Variants in FAM177A1 observed in about 807,000 individuals in gnomAD.
The protein encoded by FAM177A1 is family with sequence similarity 177 member A1, also known as protein FAM177A1.
FAM177A1 carries 22 observed loss-of-function variants against 26.1 expected under a neutral mutation model. The ratio of observed to expected loss-of-function variants is 0.84; its 90% CI spans 0.60 to 1.20. The LOEUF is 1.20. Ranked by LOEUF, FAM177A1 falls within the 50% of genes most tolerant of loss-of-function variation. The pLI is 0.00. For synonymous variants in FAM177A1, 95 were observed against 99.3 expected, an observed-to-expected ratio of 0.96 and a Z score of 0.26; for missense variants, 296 against 291.1, an observed-to-expected ratio of 1.02 and a Z score of -0.12.
At chr14:35,067,058 C>G (rs1174388458) in intron 2 of FAM177A1, among the ~76,000 whole-genome samples, 1 of 152,196 alleles carries the variant, frequency 6.6e-6, no homozygotes, top group Non-Finnish European at 1.5e-5. Context: ...TCCCGAAGTT[C>G]TGGGATTACA....
intron 4 of FAM177A1, among the ~76,000 whole-genome samples, chr14:35,080,639 A>G (rs2045466170): frequency 6.6e-6 from 1 of 152,074 alleles, no homozygotes. Flanking sequence ...TGTCTTTACT[A>G]AAAATACAAA....
chr14:35,065,001 T>C (rs893742355), intron 2 of FAM177A1, among the ~76,000 whole-genome samples: 1 of 152,108 alleles, frequency 6.6e-6, no homozygotes, highest in African/African-American at 2.4e-5. Context: ...GCTGCCTGAA[T>C]TGCAAATGAC....
At chr14:35,062,378 C>T (rs1016024798) in intron 2 of FAM177A1, among the ~76,000 whole-genome samples, 1 of 152,074 alleles carries the variant, frequency 6.6e-6, no homozygotes, top group African/African-American at 2.4e-5. Flanking sequence ...TGGAATTTCC[C>T]TGAGTTGTGA....
intron 2 of FAM177A1, among the ~76,000 whole-genome samples, chr14:35,072,670 C>T (rs2045340374): frequency 6.6e-6 from 1 of 152,260 alleles, no homozygotes; most frequent in Middle Eastern, 3.4e-3. Flanking sequence ...AGCCCTTCTG[C>T]CAGATTGTCT....
intron 3 of FAM177A1, 100 bp downstream of exon 3, chr14:35,077,316 A>C: frequency 1.8e-6 from 2 of 1,085,220 alleles, no homozygotes; most frequent in Non-Finnish European, 2.8e-6. Flanking sequence ...GAGAAACAAT[A>C]GGGAGTTAAT....
intron 2 of FAM177A1, among the ~76,000 whole-genome samples, chr14:35,054,237 A>T (rs930690327): frequency 4.6e-5 from 7 of 152,152 alleles, no homozygotes; most frequent in African/African-American, 1.7e-4. Context: ...AAACAAAACA[A>T]AAGTTTGCTT....
At chr14:35,072,705 G>A (rs2138562901) in intron 2 of FAM177A1, among the ~76,000 whole-genome samples, 1 of 152,246 alleles carries the variant, frequency 6.6e-6, no homozygotes, top group Admixed American at 6.5e-5. Flanking sequence ...TTCTGGCACT[G>A]CTGCTTTTAC....
intron 2 of FAM177A1, among the ~76,000 whole-genome samples, chr14:35,072,230 G>T (rs983347161): frequency 6.6e-6 from 1 of 152,038 alleles, no homozygotes; most frequent in African/African-American, 2.4e-5. Flanking sequence ...AGCCGAGATC[G>T]CAACATTGCA....
chr14:35,052,936 C>G (rs550827037), intron 1 of FAM177A1, among the ~76,000 whole-genome samples: 6 of 152,242 alleles, frequency 3.9e-5, no homozygotes, highest in Admixed American at 3.9e-4. Context: ...AAAAAAATTC[C>G]ATAGACTACT....
intron 2 of FAM177A1, among the ~76,000 whole-genome samples, chr14:35,060,075 G>A (rs2045127947): frequency 6.6e-6 from 1 of 152,154 alleles, no homozygotes; most frequent in Non-Finnish European, 1.5e-5. Context: ...CTGGATTCAG[G>A]TGATTCTCCT....
intron 1 of FAM177A1, among the ~76,000 whole-genome samples, chr14:35,052,954 A>G (rs2044997823): frequency 6.6e-6 from 1 of 152,220 alleles, no homozygotes; most frequent in Non-Finnish European, 1.5e-5. Flanking sequence ...ACTAAAGTTT[A>G]AGAACTTGTG....
intron 2 of FAM177A1, among the ~76,000 whole-genome samples, chr14:35,063,571 G>A (rs911302479): frequency 1.3e-5 from 2 of 151,672 alleles, no homozygotes; most frequent in Admixed American, 6.6e-5. Flanking sequence ...AGAGTGAAAC[G>A]CCATCTCAAA....
chr14:35,052,659 G>A (rs74572381), intron 1 of FAM177A1, among the ~76,000 whole-genome samples: 10,719 of 152,064 alleles, frequency 0.07, 504 homozygotes, highest in Non-Finnish European at 0.11. Flanking sequence ...GCACAGTGAC[G>A]TATGCCTGTA....
chr14:35,072,024 C>A (rs2045329361), intron 2 of FAM177A1, among the ~76,000 whole-genome samples: 1 of 152,162 alleles, frequency 6.6e-6, no homozygotes, highest in South Asian at 2.1e-4. Flanking sequence ...TGCCTGTAAT[C>A]CCAGCACTTT....
upstream of FAM177A1, chr14:35,045,940 G>A (rs1186281866): frequency 6.6e-6 from 1 of 152,270 alleles, no homozygotes; most frequent in Non-Finnish European, 1.5e-5. Flanking sequence ...TGTCACCCAC[G>A]TTTGGAATGG....
intron 4 of FAM177A1, among the ~76,000 whole-genome samples, chr14:35,079,966 T>C: frequency 6.6e-6 from 1 of 152,200 alleles, no homozygotes; most frequent in Non-Finnish European, 1.5e-5. Context: ...AAACCTGTTT[T>C]ATGAACAAAT....
At chr14:35,051,280 C>T (rs2044965547) in intron 1 of FAM177A1, among the ~76,000 whole-genome samples, 1 of 151,838 alleles carries the variant, frequency 6.6e-6, no homozygotes, top group Non-Finnish European at 1.5e-5. Context: ...CCACCACGCC[C>T]AGCTAATTTT....
At chr14:35,062,659 A>C (rs2045176618) in intron 2 of FAM177A1, among the ~76,000 whole-genome samples, 1 of 152,086 alleles carries the variant, frequency 6.6e-6, no homozygotes, top group Non-Finnish European at 1.5e-5. Flanking sequence ...GGCTGAGCAC[A>C]GTGCCTCATG....
rs1166886588 is a variant in FAM177A1 at position 35,046,635 on chromosome 14, G to A, written c.165+7G>A. ...CGGGGAATCTGCAGGGCAGGTAGGT[G>A]GGGCCGCCGAGGCTGACGTCCGGGG... On this transcript the variant is annotated splice_region_variant and intron_variant, in intron 1 of 4. Transcript: ENST00000280987. 1 of 1,528,518 alleles carries A rather than the reference G, an allele frequency of 6.5e-7. No homozygotes were observed. Among genetic ancestry groups the A allele is most frequent in the East Asian group, 2.6e-5 (1 of 39,122 alleles). The allele number at this position is 1,528,518 out of a possible 1,614,324, so 94.7% of individuals were successfully genotyped here. A position where few individuals can be genotyped will look rare whatever the true frequency, so the allele number is the denominator to read the frequency against.
Sources: gnomAD v4.1 joint callset for allele counts (sites outside exome capture counted in the v4.1 genomes callset) on GRCh38, gnomAD v4.1.1 for gene constraint, MANE v1.5 for transcripts, NCBI Gene and HGNC (gene_info 2026-07-23, HGNC 2026-07-21) for gene names.